The following MMP26 variants were observed in gnomAD, a reference collection of about 807,000 sequenced individuals.
The protein encoded by MMP26 is matrix metalloproteinase-26.
A neutral mutation model predicts 31.0 loss-of-function variants in MMP26; 33 were observed. The observed-to-expected ratio is 1.06, with a 90% CI of 0.81 to 1.42. The LOEUF (loss-of-function observed/expected upper bound fraction) is 1.42, where lower values mean the gene tolerates loss of function less well. MMP26 is among the 40% of genes most tolerant of loss of function. The probability of loss-of-function intolerance (pLI) is 0.00; values close to 1 mark genes in which losing one functional copy is unlikely to be tolerated. For missense variants in MMP26, 347 were observed against 316.1 expected (o/e 1.10, Z -0.74); for synonymous variants, 122 against 114.9 (o/e 1.06, Z -0.40).
At chr11:4,848,951 C>T in intron 2 of MMP26, 2 of 1,614,030 alleles carry the variant, frequency 1.2e-6, no homozygotes, top group Non-Finnish European at 1.7e-6. Context: ...GCAGTGTGGG[C>T]ATCAGGGCAG....
intron 1 of MMP26, among the ~76,000 whole-genome samples, chr11:4,762,513 TAGTC>T (rs540360916): frequency 2.2e-4 from 34 of 152,226 alleles, no homozygotes; most frequent in Middle Eastern, 6.8e-3. Flanking sequence ...ATAATCAAGA[TAGTC>T]AAGATGAAAG....
intron 2 of MMP26, among the ~76,000 whole-genome samples, chr11:4,917,909 C>T (rs1851122449): frequency 6.6e-6 from 1 of 151,494 alleles, no homozygotes; most frequent in African/African-American, 2.4e-5. Context: ...AATTCTATTT[C>T]TTTCTTCTTC....
chr11:4,915,647 A>G (rs778811207), intron 2 of MMP26: 2 of 1,611,842 alleles, frequency 1.2e-6, no homozygotes, highest in Admixed American at 1.7e-5. Context: ...GCTGTTTCCC[A>G]GGGATCCCAG....
chr11:4,831,652 A>T (rs1305126428), intron 2 of MMP26, among the ~76,000 whole-genome samples: 2 of 152,164 alleles, frequency 1.3e-5, no homozygotes, highest in African/African-American at 4.8e-5. Flanking sequence ...ATTTTCACAG[A>T]TGTGTACCAA....
At chr11:4,915,031 T>A in intron 2 of MMP26, 2 of 1,613,962 alleles carry the variant, frequency 1.2e-6, no homozygotes, top group Non-Finnish European at 1.7e-6. Context: ...CTATACCCAC[T>A]GTAGAGACGA....
intron 2 of MMP26, chr11:4,907,957 C>T (rs374525532): frequency 1.2e-6 from 2 of 1,614,016 alleles, no homozygotes; most frequent in Non-Finnish European, 1.7e-6. Context: ...AGACCAATGT[C>T]ATCTATGGCT....
At chr11:4,720,356 T>G (rs1847993545) in intron 1 of MMP26, among the ~76,000 whole-genome samples, 1 of 152,222 alleles carries the variant, frequency 6.6e-6, no homozygotes, top group South Asian at 2.1e-4. Flanking sequence ...GGCCTCAAGG[T>G]TAACAAGAAG....
chr11:4,745,311 T>G (rs1203880440), intron 1 of MMP26, among the ~76,000 whole-genome samples: 1 of 152,220 alleles, frequency 6.6e-6, no homozygotes, highest in African/African-American at 2.4e-5. Context: ...TGTAGCTCAG[T>G]GGCTTCCCAG....
chr11:4,705,143 ATG>A (rs1323682860), intron 1 of MMP26, 98 bp downstream of exon 1: 1 of 152,230 alleles, frequency 6.6e-6, no homozygotes, highest in Non-Finnish European at 1.5e-5. Context: ...TTCAGAGTAA[ATG>A]TGAGCATGAA....
chr11:4,792,672 CA>C (rs1335291551), intron 2 of MMP26, among the ~76,000 whole-genome samples: 2 of 152,118 alleles, frequency 1.3e-5, no homozygotes, highest in Non-Finnish European at 2.9e-5. Flanking sequence ...AGTTAAAAAT[CA>C]AAAACTGAAA....
In MMP26 at chr11:4,723,082, C is replaced by A. The variant is rs1038985748; in HGVS notation, c.-217+18037C>A. 79 of 1,357,722 alleles carry A rather than the reference C, an allele frequency of 5.8e-5. 1 individual carries two copies. The highest frequency in any genetic ancestry group is 3.5e-4 in the Admixed American group (21 of 59,622). The allele number at this position is 1,357,722 out of a possible 1,614,324, so 84.1% of individuals were successfully genotyped here. ...GCTCCTGGTACCCATGCAGCTGTCACGGCATGTTCTGCTTGGCCCGCTGCA... is the reference window on the plus strand; with the variant it reads ...GCTCCTGGTACCCATGCAGCTGTCAAGGCATGTTCTGCTTGGCCCGCTGCA... On this transcript the variant is annotated intron_variant, in intron 1 of 7. Transcript: ENST00000380390.
At chr11:4,722,606 G>A in intron 1 of MMP26, 1 of 573,182 alleles carries the variant, frequency 1.7e-6, no homozygotes. Context: ...TCCCCCGTGG[G>A]TGGGCTGAGG....
In MMP26 at chr11:4,973,482, T is replaced by C. The variant is rs192024634; in HGVS notation, c.-144-14586T>C. On this transcript the variant is annotated intron_variant, in intron 2 of 7. Transcript: ENST00000380390. ...ACTCTGGCACTGGTGAGGATGGAAG[T>C]GTATCTCAGGGGGTTGCAGATGGCA... 157 of 152,506 alleles carry C rather than the reference T, an allele frequency of 1.0e-3. 3 individuals carry two copies. The highest frequency in any genetic ancestry group is 3.6e-3 in the African/African-American group (151 of 41,376). The allele number at this position is 152,506 out of a possible 1,614,324, so 9.4% of individuals were successfully genotyped here.
intron 2 of MMP26, among the ~76,000 whole-genome samples, chr11:4,802,185 A>G (rs917265815): frequency 2.6e-5 from 4 of 152,210 alleles, no homozygotes; most frequent in Non-Finnish European, 5.9e-5. Context: ...ATTAATGTCT[A>G]TATTTGGGCT....
intron 1 of MMP26, among the ~76,000 whole-genome samples, chr11:4,707,010 G>T (rs1007349805): frequency 4.6e-5 from 7 of 152,126 alleles, no homozygotes; most frequent in Admixed American, 2.0e-4. Flanking sequence ...TCCATATGTT[G>T]GCTATTGTGA....
intron 2 of MMP26, among the ~76,000 whole-genome samples, chr11:4,886,277 G>A (rs1197720084): frequency 1.3e-5 from 2 of 152,114 alleles, no homozygotes; most frequent in East Asian, 1.9e-4. Flanking sequence ...TGTGGGCTCT[G>A]GAATCATACT....
In MMP26 at chr11:4,954,951, G is replaced by A. The variant is rs142062358; in HGVS notation, c.-144-33117G>A. ...TGGACAACGGCCAGGTTGATGATGG[G>A]CAGGTAGAAGATGATCACTGCACAG... is the stretch of plus-strand genomic sequence containing the variant. On this transcript the variant is annotated intron_variant, in intron 2 of 7. Coordinates refer to ENST00000380390, the MANE Select transcript of MMP26 (RefSeq NM_021801.5). The A allele has an allele frequency of 3.6e-3, 4,626 of 1,282,442 alleles. 976 individuals carry two copies. The African/African-American group carries it at 0.063, about 17-fold the overall frequency. 79.4% of individuals were successfully genotyped at this position (1,282,442 alleles called of 1,614,324 possible).
intron 2 of MMP26, among the ~76,000 whole-genome samples, chr11:4,778,981 C>G (rs1848823970): frequency 6.6e-6 from 1 of 152,004 alleles, no homozygotes; most frequent in African/African-American, 2.4e-5. Context: ...TCATTCATGT[C>G]AATTATTGTA....
intron 2 of MMP26, among the ~76,000 whole-genome samples, chr11:4,814,711 C>T (rs962114914): frequency 6.6e-6 from 1 of 152,146 alleles, no homozygotes; most frequent in African/African-American, 2.4e-5. Context: ...AAACTACTGG[C>T]TCTGTAGCCA....
Sources: allele counts gnomAD v4.1 joint callset (sites outside exome capture counted in the v4.1 genomes callset), GRCh38; gene constraint gnomAD v4.1.1; transcripts MANE v1.5; gene names NCBI Gene and HGNC (gene_info 2026-07-23, HGNC 2026-07-21).